BNC2: variants seen among roughly 807,000 people sequenced by gnomAD.
The protein encoded by BNC2 is basonuclin zinc finger protein 2, also known as zinc finger protein basonuclin-2.
BNC2 carries 20 observed loss-of-function variants against 76.3 expected under a neutral mutation model. The ratio of observed to expected loss-of-function variants is 0.26; its 90% CI spans 0.18 to 0.38. The LOEUF (loss-of-function observed/expected upper bound fraction) is 0.38, where lower values mean the gene tolerates loss of function less well. Ranked by LOEUF, BNC2 falls within the 10% of genes least tolerant of loss-of-function variation. BNC2 has a pLI of 1.00. For synonymous variants in BNC2, 582 were observed against 514.8 expected, an observed-to-expected ratio of 1.13 and a Z score of -1.77; for missense variants, 1,382 against 1,399.8, an observed-to-expected ratio of 0.99 and a Z score of 0.20.
At chr9:16,784,684 C>G (rs10733321) in intron 1 of BNC2, among the ~76,000 whole-genome samples, 57,319 of 152,072 alleles carry the variant, frequency 0.38, 13,745 homozygotes, top group East Asian at 0.99. Flanking sequence ...CAATCTCAAT[C>G]ACTAGAGTAT....
At chr9:16,450,715 G>A (rs953919954) in intron 5 of BNC2, among the ~76,000 whole-genome samples, 3 of 152,288 alleles carry the variant, frequency 2.0e-5, no homozygotes, top group South Asian at 4.1e-4. Flanking sequence ...TGCTGAACAG[G>A]CTGGAAGAAA....
intron 5 of BNC2, among the ~76,000 whole-genome samples, chr9:16,440,027 A>G (rs765246533): frequency 7.0e-4 from 107 of 152,240 alleles, no homozygotes; most frequent in Non-Finnish European, 1.3e-3. Context: ...TATCATTCAC[A>G]TTCTGCTTTT....
chr9:16,774,156 A>G (rs1199594593), intron 1 of BNC2, among the ~76,000 whole-genome samples: 7 of 151,918 alleles, frequency 4.6e-5, no homozygotes, highest in Non-Finnish European at 5.9e-5. Context: ...TAATTTTTTT[A>G]TTTTTAGTAG....
At chr9:16,537,307 T>G (rs564253424) in intron 5 of BNC2, among the ~76,000 whole-genome samples, 9 of 152,278 alleles carry the variant, frequency 5.9e-5, no homozygotes, top group African/African-American at 2.2e-4. Flanking sequence ...TACGGTTTCC[T>G]TGAATCGCAC....
chr9:16,633,788 C>T (rs187690537), intron 3 of BNC2, among the ~76,000 whole-genome samples: 159 of 152,212 alleles, frequency 1.0e-3, no homozygotes, highest in Non-Finnish European at 8.8e-5. Flanking sequence ...CTACAAGAAC[C>T]ACCCAAAGAA....
intron 1 of BNC2, among the ~76,000 whole-genome samples, chr9:16,840,137 T>G (rs900553502): frequency 7.8e-6 from 1 of 128,874 alleles, no homozygotes; most frequent in African/African-American, 2.9e-5. Context: ...AAACAGGCAG[T>G]CAGTGACAGA....
chr9:16,462,216 C>T (rs1821598354), intron 5 of BNC2, among the ~76,000 whole-genome samples: 1 of 152,182 alleles, frequency 6.6e-6, no homozygotes, highest in African/African-American at 2.4e-5. Flanking sequence ...CCATCTCCAT[C>T]CACCAGCCAA....
intron 1 of BNC2, among the ~76,000 whole-genome samples, chr9:16,804,637 A>G (rs945988374): frequency 3.3e-5 from 5 of 152,244 alleles, no homozygotes; most frequent in African/African-American, 1.2e-4. Flanking sequence ...CAACTGGAAC[A>G]CGAAGTGGAG....
intron 3 of BNC2, among the ~76,000 whole-genome samples, chr9:16,695,153 C>G (rs529678986): frequency 6.6e-6 from 1 of 152,302 alleles, no homozygotes; most frequent in East Asian, 1.9e-4. Flanking sequence ...TAGTGGACAA[C>G]AGAATGCTTT....
intron 1 of BNC2, among the ~76,000 whole-genome samples, chr9:16,784,347 T>C (rs1221190534): frequency 1.3e-5 from 2 of 152,306 alleles, no homozygotes. Context: ...CTACCACTAC[T>C]AAAAGTAAAT....
chr9:16,523,695 C>T (rs370684161), intron 5 of BNC2, among the ~76,000 whole-genome samples: 27 of 151,968 alleles, frequency 1.8e-4, no homozygotes, highest in Admixed American at 1.3e-3. Context: ...GAGGCCGAGG[C>T]GGGCGGATCA....
intron 6 of BNC2, chr9:16,431,493 A>T (rs1448721999): frequency 2.1e-6 from 1 of 469,736 alleles, no homozygotes; most frequent in Non-Finnish European, 4.4e-6. Flanking sequence ...TCTTCCTAGG[A>T]AAGATTTCAT....
intron 3 of BNC2, among the ~76,000 whole-genome samples, chr9:16,712,641 C>G (rs1460128984): frequency 6.6e-6 from 1 of 152,216 alleles, no homozygotes; most frequent in Non-Finnish European, 1.5e-5. Flanking sequence ...CAGATTATCT[C>G]TTCTGAGGCC....
chr9:16,860,250 G>A (rs936151404), intron 1 of BNC2, among the ~76,000 whole-genome samples: 1 of 152,124 alleles, frequency 6.6e-6, no homozygotes, highest in South Asian at 2.1e-4. Context: ...AGAACAGAAC[G>A]AAGTTGTAGG....
At chr9:16,609,282 T>C (rs540715011) in intron 3 of BNC2, among the ~76,000 whole-genome samples, 1 of 152,278 alleles carries the variant, frequency 6.6e-6, no homozygotes, top group Non-Finnish European at 1.5e-5. Context: ...AAACCCACAG[T>C]ATCCTCAAGA....
intron 3 of BNC2, among the ~76,000 whole-genome samples, chr9:16,585,877 C>T (rs2133094655): frequency 6.6e-6 from 1 of 152,122 alleles, no homozygotes; most frequent in African/African-American, 2.4e-5. Context: ...CTTCTGGGCA[C>T]TCGGGACAAG....
chr9:16,451,389 T>C (rs1385691834), intron 5 of BNC2, among the ~76,000 whole-genome samples: 1 of 152,180 alleles, frequency 6.6e-6, no homozygotes, highest in Non-Finnish European at 1.5e-5. Flanking sequence ...TTTCATCAAA[T>C]TTCAAAAACA....
intron 3 of BNC2, among the ~76,000 whole-genome samples, chr9:16,649,458 T>G (rs1821731961): frequency 6.6e-6 from 1 of 152,174 alleles, no homozygotes; most frequent in African/African-American, 2.4e-5. Context: ...TCTTATGAAC[T>G]ATCACTAAAC....
chr9:16,636,888 C>G (rs1821344192), intron 3 of BNC2, among the ~76,000 whole-genome samples: 1 of 151,672 alleles, frequency 6.6e-6, no homozygotes, highest in African/African-American at 2.4e-5. Context: ...AATCTAGATT[C>G]AATTTAAATC....
Sources: gnomAD v4.1 joint callset for allele counts (sites outside exome capture counted in the v4.1 genomes callset) on GRCh38, gnomAD v4.1.1 for gene constraint, MANE v1.5 for transcripts, NCBI Gene and HGNC (gene_info 2026-07-23, HGNC 2026-07-21) for gene names.